SWT1: variants seen among roughly 807,000 people sequenced by gnomAD.
SWT1 encodes transcriptional protein SWT1.
SWT1 carries 33 observed loss-of-function variants against 107.3 expected under a neutral mutation model. The observed-to-expected ratio is 0.31, with a 90% CI of 0.23 to 0.41. The LOEUF is 0.41. SWT1 is among the 10% of genes least tolerant of loss of function. SWT1 has a pLI of 1.00. For missense variants in SWT1, 898 were observed against 1,028.9 expected (o/e 0.87, Z 1.74); for synonymous variants, 345 against 348.3 (o/e 0.99, Z 0.11).
intron 15 of SWT1, chr1:185,227,105 G>C: frequency 5.7e-6 from 7 of 1,223,404 alleles, no homozygotes; most frequent in Non-Finnish European, 7.1e-6. Flanking sequence ...GGCCCATGAT[G>C]TGCTTCCAGT....
intron 18 of SWT1, among the ~76,000 whole-genome samples, chr1:185,284,974 C>T (rs1318129905): frequency 1.3e-5 from 2 of 151,728 alleles, no homozygotes; most frequent in African/African-American, 2.4e-5. Context: ...GCCACACTCA[C>T]ACACAGCTGT....
At chr1:185,196,467 G>A (rs1317328446) in intron 10 of SWT1, among the ~76,000 whole-genome samples, 1 of 152,002 alleles carries the variant, frequency 6.6e-6, no homozygotes, top group Non-Finnish European at 1.5e-5. Context: ...TTGGCTATAC[G>A]GGCTCTTTCT....
At chr1:185,253,215 G>A (rs1221262320) in intron 16 of SWT1, among the ~76,000 whole-genome samples, 4 of 149,804 alleles carry the variant, frequency 2.7e-5, no homozygotes, top group East Asian at 2.0e-4. Context: ...GTCAGGTAGC[G>A]TGATACCTCC....
intron 15 of SWT1, among the ~76,000 whole-genome samples, chr1:185,225,374 T>C (rs972873242): frequency 2.0e-5 from 3 of 152,176 alleles, no homozygotes; most frequent in Non-Finnish European, 4.4e-5. Flanking sequence ...TGTAGTTTCA[T>C]TTTCTTGCCG....
intron 16 of SWT1, among the ~76,000 whole-genome samples, chr1:185,253,501 C>T (rs1204003387): frequency 1.4e-5 from 2 of 147,914 alleles, no homozygotes; most frequent in African/African-American, 5.0e-5. Flanking sequence ...TCCTTCACAT[C>T]CCTTGTAAGT....
At chr1:185,206,930 G>C (rs1167714003) in intron 13 of SWT1, among the ~76,000 whole-genome samples, 167 bp downstream of exon 13, 1 of 152,180 alleles carries the variant, frequency 6.6e-6, no homozygotes, top group Non-Finnish European at 1.5e-5. Flanking sequence ...AACAGATGCA[G>C]CTCATAGAGC....
At chr1:185,258,358 C>G (rs1270741761) in intron 16 of SWT1, among the ~76,000 whole-genome samples, 1 of 152,048 alleles carries the variant, frequency 6.6e-6, no homozygotes, top group Non-Finnish European at 1.5e-5. Context: ...TTATTTGTTA[C>G]TATATAACAC....
chr1:185,187,669 G>A (rs1043840853), intron 9 of SWT1, among the ~76,000 whole-genome samples: 5 of 151,928 alleles, frequency 3.3e-5, no homozygotes, highest in African/African-American at 1.2e-4. Context: ...TGCCATTTAA[G>A]CTGAATCTTT....
intron 15 of SWT1, among the ~76,000 whole-genome samples, chr1:185,229,419 C>T (rs1660336714): frequency 6.6e-6 from 1 of 152,046 alleles, no homozygotes; most frequent in Non-Finnish European, 1.5e-5. Flanking sequence ...TCATTTCTCC[C>T]ACATTTTGTC....
intron 16 of SWT1, chr1:185,264,006 T>A (rs943347670): frequency 1.3e-5 from 2 of 152,212 alleles, no homozygotes; most frequent in African/African-American, 4.8e-5. Flanking sequence ...CAGCTGATTA[T>A]CAGAATATCA....
intron 16 of SWT1, among the ~76,000 whole-genome samples, chr1:185,246,359 C>T (rs1250757901): frequency 6.6e-6 from 1 of 152,002 alleles, no homozygotes; most frequent in South Asian, 2.1e-4. Context: ...CTCACTGCGA[C>T]CTCCACTTCC....
intron 16 of SWT1, among the ~76,000 whole-genome samples, chr1:185,256,131 G>A (rs1247837974): frequency 2.1e-4 from 32 of 150,322 alleles, no homozygotes; most frequent in African/African-American, 9.7e-5. Context: ...TGGCTTGTAG[G>A]GTTTCTGCCG....
intron 15 of SWT1, among the ~76,000 whole-genome samples, chr1:185,228,167 G>GTATATATATATATA (rs1157576166): frequency 6.5e-5 from 4 of 61,568 alleles, no homozygotes; most frequent in African/African-American, 4.3e-4. Flanking sequence ...AAAAAAAAAT[G>GTATATATATATATA]TGTATATATA....
chr1:185,210,858 A>G (rs552698974), intron 13 of SWT1, among the ~76,000 whole-genome samples: 1 of 152,348 alleles, frequency 6.6e-6, no homozygotes, highest in East Asian at 1.9e-4. Context: ...CTCAGGATAC[A>G]AAATCAATGT....
At chr1:185,188,954 T>C (rs1024510089) in intron 9 of SWT1, among the ~76,000 whole-genome samples, 3 of 152,132 alleles carry the variant, frequency 2.0e-5, no homozygotes, top group African/African-American at 7.2e-5. Flanking sequence ...GTCCAATTTC[T>C]ACACATTGCA....
chr1:185,199,796 G>T (rs1657713630), intron 10 of SWT1, among the ~76,000 whole-genome samples: 1 of 152,180 alleles, frequency 6.6e-6, no homozygotes, highest in Non-Finnish European at 1.5e-5. Flanking sequence ...GGCCTGTCCT[G>T]CTAGGTTGGG....
intron 14 of SWT1, among the ~76,000 whole-genome samples, chr1:185,215,806 T>C (rs562475865): frequency 5.8e-4 from 89 of 152,184 alleles, no homozygotes; most frequent in African/African-American, 2.0e-3. Flanking sequence ...TCCCAAAGTG[T>C]TGGGAATACA....
chr1:185,271,454 C>T (rs1482239693), intron 17 of SWT1, 65 bp downstream of exon 17: 57 of 839,164 alleles, frequency 6.8e-5, no homozygotes, highest in Non-Finnish European at 1.4e-5. Flanking sequence ...TGTAAATAAA[C>T]AGAGTAGGAG....
chr1:185,239,789 T>C (rs1255857687), intron 16 of SWT1, among the ~76,000 whole-genome samples: 3 of 152,104 alleles, frequency 2.0e-5, no homozygotes, highest in Non-Finnish European at 2.9e-5. Flanking sequence ...TGTAAACTTA[T>C]GTCTAGATTG....
Sources: allele counts gnomAD v4.1 joint callset (sites outside exome capture counted in the v4.1 genomes callset), GRCh38; gene constraint gnomAD v4.1.1; transcripts MANE v1.5; gene names NCBI Gene and HGNC (gene_info 2026-07-23, HGNC 2026-07-21).